Variants in KCNIP4 observed in about 807,000 individuals in gnomAD.
The protein encoded by KCNIP4 is potassium voltage-gated channel interacting protein 4.
A neutral mutation model predicts 34.0 loss-of-function variants in KCNIP4; 12 were observed. The ratio of observed to expected loss-of-function variants is 0.35; its 90% CI spans 0.23 to 0.57. The LOEUF (loss-of-function observed/expected upper bound fraction) is 0.57. Ranked by LOEUF, KCNIP4 falls within the 20% of genes least tolerant of loss-of-function variation. The probability of loss-of-function intolerance (pLI) is 0.83; values close to 1 mark genes in which losing one functional copy is unlikely to be tolerated. For synonymous variants in KCNIP4, 124 were observed against 102.2 expected, an observed-to-expected ratio of 1.21 and a Z score of -1.29; for missense variants, 238 against 311.7, an observed-to-expected ratio of 0.76 and a Z score of 1.78.
At chr4:20,731,756 C>T (rs1748286233) in intron 8 of KCNIP4, 1 of 985,272 alleles carries the variant, frequency 1.0e-6, no homozygotes, top group Admixed American at 6.2e-5. Context: ...ATTTGGGAAT[C>T]AACACAGTAC....
At chr4:21,383,237 GT>G (rs1560350863) in intron 1 of KCNIP4, among the ~76,000 whole-genome samples, 1 of 152,094 alleles carries the variant, frequency 6.6e-6, no homozygotes, top group African/African-American at 2.4e-5. Flanking sequence ...TAAATTTCTG[GT>G]GTTTATGCCA....
chr4:21,209,100 A>G (rs961791366), intron 1 of KCNIP4, among the ~76,000 whole-genome samples: 2 of 152,200 alleles, frequency 1.3e-5, no homozygotes, highest in East Asian at 1.9e-4. Flanking sequence ...ACAAAACCAT[A>G]TCATCTTTAC....
chr4:20,909,149 T>C (rs1324695864), intron 1 of KCNIP4, among the ~76,000 whole-genome samples: 4 of 152,280 alleles, frequency 2.6e-5, no homozygotes, highest in Middle Eastern at 6.8e-3. Context: ...CTACAAACGG[T>C]TTGCTTATTG....
intron 1 of KCNIP4, among the ~76,000 whole-genome samples, chr4:21,477,124 G>A (rs1349404085): frequency 6.6e-6 from 1 of 152,130 alleles, no homozygotes; most frequent in African/African-American, 2.4e-5. Flanking sequence ...TGATCCATGG[G>A]TTGAGTTATA....
intron 1 of KCNIP4, among the ~76,000 whole-genome samples, chr4:21,465,872 C>T (rs1036100071): frequency 1.3e-5 from 2 of 152,180 alleles, no homozygotes; most frequent in Non-Finnish European, 2.9e-5. Flanking sequence ...CATTCTGAAA[C>T]TAAGCTAGTG....
intron 1 of KCNIP4, among the ~76,000 whole-genome samples, chr4:21,173,436 G>A (rs148198123): frequency 5.5e-4 from 84 of 152,208 alleles, no homozygotes; most frequent in Non-Finnish European, 9.0e-4. Context: ...AGCGATGAGA[G>A]GTTTCAACAG....
chr4:21,901,555 G>C (rs1727704370), intron 1 of KCNIP4, among the ~76,000 whole-genome samples: 1 of 152,068 alleles, frequency 6.6e-6, no homozygotes, highest in African/African-American at 2.4e-5. Flanking sequence ...GCTCTCAAGA[G>C]GTAAAGTGGG....
At chr4:21,218,262 G>A (rs1181738420) in intron 1 of KCNIP4, among the ~76,000 whole-genome samples, 5 of 151,972 alleles carry the variant, frequency 3.3e-5, no homozygotes, top group East Asian at 3.9e-4. Context: ...TGACCCACCC[G>A]CCTCGGCCTT....
intron 3 of KCNIP4, among the ~76,000 whole-genome samples, chr4:20,770,818 C>G (rs1198134866): frequency 6.6e-6 from 1 of 152,010 alleles, no homozygotes; most frequent in East Asian, 1.9e-4. Context: ...GCCTGTAGTC[C>G]TGGCTACTCC....
intron 1 of KCNIP4, among the ~76,000 whole-genome samples, chr4:20,891,373 G>A (rs1022505247): frequency 1.3e-5 from 2 of 152,096 alleles, no homozygotes; most frequent in Admixed American, 6.5e-5. Flanking sequence ...TTGGGAGTCC[G>A]AGGCGGGCTG....
chr4:21,132,016 G>A (rs940367271), intron 1 of KCNIP4, among the ~76,000 whole-genome samples: 8 of 152,164 alleles, frequency 5.3e-5, no homozygotes, highest in South Asian at 2.1e-4. Context: ...TGAGGAGGGC[G>A]TGTGATGGAG....
At chr4:21,070,332 T>G (rs1272633107) in intron 1 of KCNIP4, among the ~76,000 whole-genome samples, 1 of 152,318 alleles carries the variant, frequency 6.6e-6, no homozygotes, top group East Asian at 1.9e-4. Context: ...TTTTCATTTC[T>G]CTGGGATAAA....
intron 1 of KCNIP4, among the ~76,000 whole-genome samples, chr4:20,942,920 C>T (rs1731789408): frequency 6.6e-6 from 1 of 152,150 alleles, no homozygotes. Context: ...GATCCACCTG[C>T]CTCGGCCTCT....
intron 1 of KCNIP4, among the ~76,000 whole-genome samples, chr4:21,724,567 G>A (rs956229327): frequency 2.5e-5 from 3 of 119,678 alleles, no homozygotes; most frequent in Non-Finnish European, 4.7e-5. Flanking sequence ...GCTCAGTGAG[G>A]GCCTTTTTTT....
At chr4:20,744,168 C>T (rs1751866570) in intron 5 of KCNIP4, among the ~76,000 whole-genome samples, 1 of 152,162 alleles carries the variant, frequency 6.6e-6, no homozygotes, top group Non-Finnish European at 1.5e-5. Context: ...GTTGGTGGGA[C>T]TGTAAACTAG....
chr4:21,753,382 A>G (rs2109148821), intron 1 of KCNIP4, among the ~76,000 whole-genome samples: 1 of 152,330 alleles, frequency 6.6e-6, no homozygotes, highest in Non-Finnish European at 1.5e-5. Flanking sequence ...ATTGGGTATC[A>G]CCAAGTAAAA....
chr4:20,896,643 A>G (rs947750861), intron 1 of KCNIP4, among the ~76,000 whole-genome samples: 3 of 152,208 alleles, frequency 2.0e-5, no homozygotes, highest in Non-Finnish European at 4.4e-5. Flanking sequence ...CAGAGCCTCC[A>G]GAAAGAGCCT....
intron 1 of KCNIP4, among the ~76,000 whole-genome samples, chr4:21,707,801 G>GGTCA (rs1220383546): frequency 1.3e-5 from 2 of 151,928 alleles, no homozygotes; most frequent in African/African-American, 4.8e-5. Context: ...AAGGTTGAGG[G>GGTCA]GTCAGTATGG....
intron 3 of KCNIP4, among the ~76,000 whole-genome samples, chr4:20,839,043 C>T (rs145152688): frequency 2.3e-4 from 35 of 152,224 alleles, no homozygotes; most frequent in African/African-American, 7.2e-4. Flanking sequence ...TGGAGGAACT[C>T]AAGGGACAGA....
Sources: gnomAD v4.1 joint callset for allele counts (sites outside exome capture counted in the v4.1 genomes callset) on GRCh38, gnomAD v4.1.1 for gene constraint, MANE v1.5 for transcripts, NCBI Gene and HGNC (gene_info 2026-07-23, HGNC 2026-07-21) for gene names.